Variants in SHANK2 observed in about 807,000 individuals in gnomAD.
SHANK2 encodes the protein SH3 and multiple ankyrin repeat domains 2, also known as SH3 and multiple ankyrin repeat domains protein 2.
In SHANK2, 43 loss-of-function variants were observed where a neutral mutation model predicts 133.7. The ratio of observed to expected loss-of-function variants is 0.32; its 90% CI spans 0.25 to 0.41. The LOEUF (loss-of-function observed/expected upper bound fraction) is 0.41. Ranked by LOEUF, SHANK2 falls within the 10% of genes least tolerant of loss-of-function variation. The probability of loss-of-function intolerance (pLI) is 1.00; values close to 1 mark genes in which losing one functional copy is unlikely to be tolerated. For missense variants in SHANK2, 1,994 were observed against 2,235.8 expected (o/e 0.89, Z 2.18); for synonymous variants, 1,017 against 952.8 (o/e 1.07, Z -1.24).
intron 17 of SHANK2, among the ~76,000 whole-genome samples, chr11:70,627,940 T>A (rs1045287614): frequency 2.6e-5 from 4 of 152,160 alleles, no homozygotes; most frequent in Non-Finnish European, 5.9e-5. Context: ...AAGGTCAACA[T>A]GCCTAGCAAG....
chr11:70,749,723 C>T (rs558743952), intron 14 of SHANK2, among the ~76,000 whole-genome samples: 3 of 151,992 alleles, frequency 2.0e-5, no homozygotes, highest in African/African-American at 7.2e-5. Context: ...CTGAAACAAT[C>T]CAATGGACAG....
chr11:71,224,022 T>A (rs1355793297), intron 2 of SHANK2, among the ~76,000 whole-genome samples: 1 of 152,200 alleles, frequency 6.6e-6, no homozygotes, highest in African/African-American at 2.4e-5. Flanking sequence ...GAGCCCAGTG[T>A]GTGGTCAAGC....
intron 17 of SHANK2, among the ~76,000 whole-genome samples, chr11:70,631,512 T>A (rs2060990642): frequency 1.3e-5 from 2 of 152,160 alleles, no homozygotes; most frequent in Admixed American, 6.5e-5. Flanking sequence ...TCTCAGCTCC[T>A]AATCCACTCG....
Position 70,504,552 on chromosome 11 carries a change from A to G in SHANK2, c.2062-1621T>C, listed in dbSNP as rs144318121. 1.1e-3 allele frequency among the ~76,000 whole-genome samples: 171 copies of G among 152,286 alleles called. 1 individual carries two copies. Among genetic ancestry groups the G allele is most frequent in the East Asian group, 7.7e-3 (40 of 5,178 alleles). ...GTACTCAGACCCACCCGGTTTCAGC[A>G]GTGAGTATCCAGTGTCCTGGGTCCA... On this transcript the variant is annotated intron_variant, in intron 17 of 25. Coordinates refer to ENST00000601538, the MANE Select transcript of SHANK2 (RefSeq NM_012309.5).
intron 17 of SHANK2, among the ~76,000 whole-genome samples, chr11:70,542,346 A>G (rs1554975349): frequency 6.6e-6 from 1 of 152,158 alleles, no homozygotes; most frequent in Non-Finnish European, 1.5e-5. Context: ...GACGACAGAG[A>G]CACAGGTTGG....
At chr11:71,076,157 C>T (rs1951215615) in intron 8 of SHANK2, among the ~76,000 whole-genome samples, 1 of 152,128 alleles carries the variant, frequency 6.6e-6, no homozygotes, top group South Asian at 2.1e-4. Flanking sequence ...TGATGAGGGC[C>T]CCTCTGTCCA....
intron 14 of SHANK2, among the ~76,000 whole-genome samples, chr11:70,736,496 G>A (rs782361345): frequency 6.6e-6 from 1 of 152,142 alleles, no homozygotes; most frequent in Non-Finnish European, 1.5e-5. Flanking sequence ...CACAGACACA[G>A]AGCAGAAGGC....
chr11:70,565,779 T>C (rs1477214876), intron 17 of SHANK2, among the ~76,000 whole-genome samples: 1 of 152,194 alleles, frequency 6.6e-6, no homozygotes, highest in Non-Finnish European at 1.5e-5. Flanking sequence ...TAAATCCAGT[T>C]TCTGTTTCTC....
intron 2 of SHANK2, among the ~76,000 whole-genome samples, chr11:71,157,310 G>A (rs201355844): frequency 7.2e-5 from 11 of 152,150 alleles, no homozygotes; most frequent in African/African-American, 2.7e-4. Flanking sequence ...AAAATGATAC[G>A]TCACTTAAGA....
At chr11:70,635,769 G>C (rs1472232731) in intron 17 of SHANK2, among the ~76,000 whole-genome samples, 7 of 152,032 alleles carry the variant, frequency 4.6e-5, no homozygotes, top group African/African-American at 1.7e-4. Context: ...AAAAAAAAAG[G>C]GGGGAGGAAG....
intron 2 of SHANK2, among the ~76,000 whole-genome samples, chr11:71,153,171 G>A (rs562877326): frequency 6.6e-6 from 1 of 152,160 alleles, no homozygotes; most frequent in South Asian, 2.1e-4. Flanking sequence ...TGAAAGCAAA[G>A]CCGAAGACGC....
rs782660881 is a variant in SHANK2 at position 70,798,492 on chromosome 11, C to T, written c.1728G>A (p.Pro576=). 1.5e-5 allele frequency: 11 copies of T among 718,442 alleles called. No homozygotes were observed. Among genetic ancestry groups the T allele is most frequent in the South Asian group, 4.4e-5 (3 of 67,604 alleles). 44.5% of individuals were successfully genotyped at this position (718,442 alleles called of 1,614,324 possible). ...ACTGGACCTCCTCCACGCACTCCGC[C>T]GGAAACCATCCGATGTGGCCGCGGG... is the stretch of plus-strand genomic sequence containing the variant. ...GSARGHIGWF[P]AECVEEVQCK... is the part of the protein sequence containing the mutation. The change falls in exon 14 of 26, where the codon CCG becomes CCA. Residue 576 remains proline, a synonymous_variant. Coordinates refer to ENST00000601538, the MANE Select transcript of SHANK2 (RefSeq NM_012309.5).
chr11:71,211,145 C>A (rs1477821677), intron 2 of SHANK2, among the ~76,000 whole-genome samples: 6 of 151,806 alleles, frequency 4.0e-5, no homozygotes, highest in African/African-American at 1.5e-4. Context: ...TCCCTGGCAC[C>A]CAACCCTGGA....
intron 10 of SHANK2, chr11:70,908,162 A>G: frequency 3.8e-6 from 1 of 261,378 alleles, no homozygotes; most frequent in Non-Finnish European, 7.7e-6. Flanking sequence ...CTAGTGCAGC[A>G]GTGAAACAGA....
intron 21 of SHANK2, among the ~76,000 whole-genome samples, chr11:70,493,900 C>G (rs2058932390): frequency 1.3e-5 from 2 of 152,196 alleles, no homozygotes; most frequent in Admixed American, 1.3e-4. Context: ...TAGAGCTGAG[C>G]AGAGTGCAGG....
chr11:70,678,832 C>T (rs780430636), intron 15 of SHANK2, among the ~76,000 whole-genome samples: 3 of 152,150 alleles, frequency 2.0e-5, no homozygotes, highest in Non-Finnish European at 4.4e-5. Flanking sequence ...TGACCCACTG[C>T]GCCCAGCCCA....
At chr11:70,585,225 G>C (rs1461137520) in intron 17 of SHANK2, among the ~76,000 whole-genome samples, 1 of 152,258 alleles carries the variant, frequency 6.6e-6, no homozygotes, top group East Asian at 1.9e-4. Context: ...TCCACTGGCT[G>C]GCAGGGGCTA....
chr11:70,820,933 C>T (rs543767420), intron 11 of SHANK2, among the ~76,000 whole-genome samples: 18 of 152,288 alleles, frequency 1.2e-4, no homozygotes, highest in Admixed American at 1.0e-3. Flanking sequence ...GCCAGTACTT[C>T]GCATGGAAGG....
chr11:70,849,657 T>C (rs1445422441), intron 11 of SHANK2, among the ~76,000 whole-genome samples: 1 of 152,158 alleles, frequency 6.6e-6, no homozygotes, highest in African/African-American at 2.4e-5. Context: ...CTTCCTCTCT[T>C]TGAATTTTCT....
Sources: gnomAD v4.1 joint callset for allele counts (sites outside exome capture counted in the v4.1 genomes callset) on GRCh38, gnomAD v4.1.1 for gene constraint, MANE v1.5 for transcripts, NCBI Gene and HGNC (gene_info 2026-07-23, HGNC 2026-07-21) for gene names.